The following SPIRE2 variants were observed in gnomAD, a reference collection of about 807,000 sequenced individuals.
SPIRE2 encodes spire type actin nucleation factor 2.
Under a neutral mutation model 80.7 loss-of-function variants are expected in SPIRE2, and 76 were observed. The ratio of observed to expected loss-of-function variants is 0.94; its 90% CI spans 0.78 to 1.14. The LOEUF (loss-of-function observed/expected upper bound fraction) is 1.14. Ranked by LOEUF, SPIRE2 falls within the 50% of genes most tolerant of loss-of-function variation. SPIRE2 has a pLI of 0.00. For synonymous variants in SPIRE2, 535 were observed against 432.6 expected (o/e 1.24, Z -2.94); for missense variants, 1,196 against 1,015.3 (o/e 1.18, Z -2.42).
At chr16:89,865,861 G>A (rs931347976) in intron 12 of SPIRE2, among the ~76,000 whole-genome samples, 2 of 151,592 alleles carry the variant, frequency 1.3e-5, no homozygotes, top group Non-Finnish European at 2.9e-5. Flanking sequence ...CCAGCTACTC[G>A]GGAGGCTGAG....
chr16:89,859,838 C>T (rs559148649), intron 9 of SPIRE2, among the ~76,000 whole-genome samples: 13 of 152,280 alleles, frequency 8.5e-5, no homozygotes, highest in South Asian at 4.1e-4. Context: ...CTGAACTTTA[C>T]GGAGAGCCCT....
At chr16:89,854,252 C>T (rs931305513) in intron 3 of SPIRE2, 34 bp from the exon 4 acceptor site, 4 of 1,600,502 alleles carry the variant, frequency 2.5e-6, no homozygotes, top group Non-Finnish European at 3.4e-6. Flanking sequence ...CATTCTCGTA[C>T]CTCCCCTGGA....
chr16:89,854,117 C>T (rs1326347615), intron 3 of SPIRE2, among the ~76,000 whole-genome samples, 169 bp from the exon 4 acceptor site: 1 of 152,264 alleles, frequency 6.6e-6, no homozygotes, highest in African/African-American at 2.4e-5. Flanking sequence ...GCTCGGTTTC[C>T]CCAGATACCT....
chr16:89,861,199 C>T (rs1206503348), intron 10 of SPIRE2, among the ~76,000 whole-genome samples: 1 of 152,172 alleles, frequency 6.6e-6, no homozygotes, highest in Non-Finnish European at 1.5e-5. Context: ...GGTTTCTTAT[C>T]TGACCTGTAA....
intron 10 of SPIRE2, 136 bp downstream of exon 10, chr16:89,860,931 G>C: frequency 1.8e-6 from 1 of 568,482 alleles, no homozygotes; most frequent in Non-Finnish European, 2.9e-6. Flanking sequence ...GTCTGGGGGG[G>C]CGCGGTCTGA....
chr16:89,854,608 T>G lies in SPIRE2; in HGVS notation c.848T>G (p.Met283Arg). 5 of 1,596,672 alleles carry G rather than the reference T, an allele frequency of 3.1e-6. No individual in the cohort carries two copies. Among genetic ancestry groups the G allele is most frequent in the Non-Finnish European group, 4.3e-6 (5 of 1,169,876 alleles). Residue 283 changes from methionine to arginine, a missense_variant, in exon 5 of 15, where the codon ATG becomes AGG. Met to Arg is a moderately conservative substitution (Grantham distance 91). Transcript: ENST00000378247. ...CAGCTCACGCCCTTCGAGATGCTGA[T>G]GCAGGACATCCGGGCCCGGAACTAC... ...EFQLTPFEML[M>R]QDIRARNYKL...
At chr16:89,831,370 T>C (rs1327521791) in intron 1 of SPIRE2, among the ~76,000 whole-genome samples, 2 of 150,256 alleles carry the variant, frequency 1.3e-5, no homozygotes, top group Non-Finnish European at 3.0e-5. Flanking sequence ...TCTTGTCAAC[T>C]TTGGATGCTA....
chr16:89,843,078 C>G (rs1270754734), intron 1 of SPIRE2, among the ~76,000 whole-genome samples: 1 of 152,244 alleles, frequency 6.6e-6, no homozygotes, highest in Non-Finnish European at 1.5e-5. Flanking sequence ...CTTGTTCTAG[C>G]ACAGTCCCAC....
In SPIRE2 at chr16:89,859,217, C is replaced by G; in HGVS notation, c.1325C>G (p.Ser442Ter). The change falls in exon 9 of 15, where the codon TCA (serine) becomes TGA (stop). Residue 442 changes from serine to a stop codon, truncating the protein, a stop_gained. Transcript: ENST00000378247. LOFTEE classifies it high-confidence loss of function. ...ACGCTGAAACGGGACCGCTCCTTCT[C>G]AGAGCATGACCTGGCCCAGCTCCGA... ...EVTLKRDRSF[S>*]EHDLAQLRSE... is the part of the protein sequence containing the mutation. 1 of 1,604,832 alleles carries G rather than the reference C, an allele frequency of 6.2e-7. No homozygotes were observed. Among genetic ancestry groups the G allele is most frequent in the Non-Finnish European group, 8.5e-7 (1 of 1,175,728 alleles).
chr16:89,842,526 T>C (rs1157110868), intron 1 of SPIRE2, among the ~76,000 whole-genome samples: 3 of 152,252 alleles, frequency 2.0e-5, no homozygotes, highest in African/African-American at 7.2e-5. Context: ...AACATTTAAT[T>C]TTGATACAAC....
At chr16:89,868,935 G>A (rs977959324) in intron 13 of SPIRE2, among the ~76,000 whole-genome samples, 3 of 149,508 alleles carry the variant, frequency 2.0e-5, no homozygotes, top group African/African-American at 7.4e-5. Flanking sequence ...GGAGGCTGAG[G>A]TGGGAGGATC....
At chr16:89,849,860 C>A in intron 2 of SPIRE2, 1 of 247,266 alleles carries the variant, frequency 4.0e-6, no homozygotes, top group Non-Finnish European at 8.0e-6. Context: ...TTTTTTGAGA[C>A]AGAGTCTTGC....
At chr16:89,853,244 C>G (rs1165708328) in intron 3 of SPIRE2, among the ~76,000 whole-genome samples, 1 of 152,182 alleles carries the variant, frequency 6.6e-6, no homozygotes, top group Non-Finnish European at 1.5e-5. Context: ...CTCAAGTGAT[C>G]CTCCCACTTC....
intron 8 of SPIRE2, 135 bp from the exon 9 acceptor site, chr16:89,859,030 C>A: frequency 1.3e-6 from 1 of 760,492 alleles, no homozygotes; most frequent in South Asian, 2.0e-5. Context: ...GGCGGGCAGG[C>A]TGGGAAGTGG....
At chr16:89,842,922 C>G (rs772130416) in intron 1 of SPIRE2, among the ~76,000 whole-genome samples, 24 of 152,246 alleles carry the variant, frequency 1.6e-4, no homozygotes, top group Non-Finnish European at 3.4e-4. Context: ...CTCCCTTTAT[C>G]TTTGGCAATC....
At chr16:89,859,496 C>G (rs973708398) in intron 9 of SPIRE2, 142 bp downstream of exon 9, 1 of 410,734 alleles carries the variant, frequency 2.4e-6, no homozygotes. Context: ...CAAGACGGCA[C>G]CACCTCAGGC....
At chr16:89,829,516 G>T (rs1282059165) in intron 1 of SPIRE2, among the ~76,000 whole-genome samples, 1 of 152,234 alleles carries the variant, frequency 6.6e-6, no homozygotes, top group African/African-American at 2.4e-5. Flanking sequence ...CCTGCCGGGG[G>T]GCAGAGGCAG....
At position 89,859,202 on chromosome 16, in the gene SPIRE2, G is replaced by A. The variant is rs1233345784; in HGVS notation, c.1310G>A (p.Arg437Gln). 10 of 1,598,366 alleles carry A rather than the reference G, an allele frequency of 6.3e-6. No individual in the cohort carries two copies. The highest frequency in any genetic ancestry group is 4.6e-5 in the East Asian group (2 of 43,406). The change falls in exon 9 of 15, where the codon CGG becomes CAG. Residue 437 changes from arginine to glutamine, a missense_variant. Coordinates refer to ENST00000378247, the MANE Select transcript of SPIRE2 (RefSeq NM_032451.2). ...CCGTGTGGGGAGGTGACGCTGAAAC[G>A]GGACCGCTCCTTCTCAGAGCATGAC... ...ESPCGEVTLK[R>Q]DRSFSEHDLA...
intron 1 of SPIRE2, among the ~76,000 whole-genome samples, chr16:89,839,933 C>T (rs2041488271): frequency 6.6e-6 from 1 of 152,228 alleles, no homozygotes; most frequent in Admixed American, 6.5e-5. Context: ...TGCCACCTGA[C>T]TTGTTATTCG....
Sources: gnomAD v4.1 joint callset for allele counts (sites outside exome capture counted in the v4.1 genomes callset) on GRCh38, gnomAD v4.1.1 for gene constraint, MANE v1.5 for transcripts, NCBI Gene and HGNC (gene_info 2026-07-23, HGNC 2026-07-21) for gene names.